CADPS2: variants seen among roughly 807,000 people sequenced by gnomAD.
CADPS2 encodes calcium-dependent secretion activator 2.
Under a neutral mutation model 172.5 loss-of-function variants are expected in CADPS2, and 93 were observed. That is an observed-to-expected ratio of 0.54 (90% CI 0.46 to 0.64). The LOEUF is 0.64. Among genes scored for constraint, CADPS2 ranks in the 30% least tolerant of loss-of-function variants. CADPS2 has a pLI of 0.00. For synonymous variants in CADPS2, 546 were observed against 555.2 expected (o/e 0.98, Z 0.23); for missense variants, 1,420 against 1,565.9 (o/e 0.91, Z 1.57).
At chr7:122,465,152 T>C (rs913498772) in intron 14 of CADPS2, among the ~76,000 whole-genome samples, 5 of 152,052 alleles carry the variant, frequency 3.3e-5, no homozygotes, top group African/African-American at 1.2e-4. Context: ...AATATTAGAC[T>C]GAGGAAGGGA....
At chr7:122,710,959 A>G (rs966368370) in intron 2 of CADPS2, among the ~76,000 whole-genome samples, 2 of 152,118 alleles carry the variant, frequency 1.3e-5, no homozygotes, top group Admixed American at 1.3e-4. Flanking sequence ...GTCCCTGACA[A>G]AATGTTGATT....
chr7:122,540,875 T>G (rs1038884589), intron 8 of CADPS2, among the ~76,000 whole-genome samples: 1 of 152,116 alleles, frequency 6.6e-6, no homozygotes, highest in African/African-American at 2.4e-5. Flanking sequence ...AAAAACCAAT[T>G]GATTTTATAG....
chr7:122,757,058 T>C (rs2093194120), intron 1 of CADPS2, among the ~76,000 whole-genome samples: 1 of 150,518 alleles, frequency 6.6e-6, no homozygotes, highest in African/African-American at 2.5e-5. Context: ...AGCAGACCTG[T>C]ATATTACACA....
chr7:122,511,893 C>T (rs933994891), intron 9 of CADPS2, among the ~76,000 whole-genome samples: 5 of 151,982 alleles, frequency 3.3e-5, no homozygotes, highest in Non-Finnish European at 4.4e-5. Context: ...ATGTCAGAAA[C>T]GAAATGTGGA....
chr7:122,437,699 A>G (rs1323724619), intron 17 of CADPS2, among the ~76,000 whole-genome samples: 1 of 152,068 alleles, frequency 6.6e-6, no homozygotes, highest in African/African-American at 2.4e-5. Context: ...AATGTGTTGA[A>G]TAAAACTGTT....
intron 1 of CADPS2, among the ~76,000 whole-genome samples, chr7:122,853,933 T>A (rs1207234260): frequency 6.6e-6 from 1 of 152,282 alleles, no homozygotes; most frequent in Non-Finnish European, 1.5e-5. Flanking sequence ...AGAAGCTCCT[T>A]CTACTGTGGG....
intron 2 of CADPS2, among the ~76,000 whole-genome samples, chr7:122,697,075 A>G (rs1325565046): frequency 6.6e-6 from 1 of 152,174 alleles, no homozygotes; most frequent in Admixed American, 6.6e-5. Flanking sequence ...ATGACTAAGT[A>G]TCAAAGTCGT....
intron 1 of CADPS2, among the ~76,000 whole-genome samples, chr7:122,756,612 C>A (rs1298615473): frequency 6.6e-6 from 1 of 151,976 alleles, no homozygotes; most frequent in Non-Finnish European, 1.5e-5. Context: ...AAATTCTTTC[C>A]CAAGGGTTGG....
At chr7:122,520,869 A>G (rs1467308268) in intron 8 of CADPS2, among the ~76,000 whole-genome samples, 1 of 152,166 alleles carries the variant, frequency 6.6e-6, no homozygotes, top group Non-Finnish European at 1.5e-5. Context: ...TTACTTTATG[A>G]TGAAAAATCA....
rs1195503321 is a variant in CADPS2, at chr7:122,727,659, A to G, written c.453+9296T>C. 2.0e-5 allele frequency among the ~76,000 whole-genome samples: 3 copies of G among 151,872 alleles called. No individual in the cohort carries two copies. The East Asian group carries it at 5.8e-4, about 29-fold the overall frequency. Reference sequence around the variant, plus strand: ...AGCTATCCTCAAGCAACAAAATTCTACAATCCATGCATTATCCAGTCTTCA... The same window carrying G: ...AGCTATCCTCAAGCAACAAAATTCTGCAATCCATGCATTATCCAGTCTTCA... On this transcript the variant is annotated intron_variant, in intron 2 of 29. Transcript: ENST00000449022.
At chr7:122,585,880 G>C (rs972110647) in intron 6 of CADPS2, 21 of 151,860 alleles carry the variant, frequency 1.4e-4, no homozygotes, top group Non-Finnish European at 2.8e-4. Context: ...TTTGTATCAG[G>C]AGCCAAAATA....
chr7:122,616,191 A>T (rs1049537852), intron 5 of CADPS2, among the ~76,000 whole-genome samples: 2 of 152,126 alleles, frequency 1.3e-5, no homozygotes, highest in Non-Finnish European at 2.9e-5. Context: ...TATAAAATAG[A>T]TTAAAATGCA....
At chr7:122,642,523 A>G (rs1013216107) in intron 3 of CADPS2, among the ~76,000 whole-genome samples, 1 of 146,806 alleles carries the variant, frequency 6.8e-6, no homozygotes, top group Non-Finnish European at 1.5e-5. Flanking sequence ...GTAGCATAAA[A>G]TAACTACTAA....
chr7:122,849,927 A>G, intron 1 of CADPS2: 1 of 558,082 alleles, frequency 1.8e-6, no homozygotes, highest in South Asian at 1.8e-5. Context: ...GCTCTGGCCC[A>G]GGCCCCAGCT....
At chr7:122,572,832 A>G (rs567191356) in intron 7 of CADPS2, among the ~76,000 whole-genome samples, 1 of 152,216 alleles carries the variant, frequency 6.6e-6, no homozygotes, top group South Asian at 2.1e-4. Context: ...CTGAGAAAAA[A>G]TCCTTGTTCT....
At chr7:122,345,111 C>T (rs2037371172) in intron 28 of CADPS2, among the ~76,000 whole-genome samples, 1 of 151,786 alleles carries the variant, frequency 6.6e-6, no homozygotes. Flanking sequence ...AGAATGGCTT[C>T]AACTTTTTAT....
chr7:122,390,829 G>T lies in CADPS2; in HGVS notation c.3009-2091C>A, dbSNP rs942848199. 2.0e-5 allele frequency among the ~76,000 whole-genome samples: 3 copies of T among 151,886 alleles called. No homozygotes were observed. In the East Asian group the frequency reaches 5.8e-4, roughly 29 times the overall value. ...TCTAATTGGTGGCCTATTCCTAAAGGTATTATTAACAGATTAAAGAATTCG... is the reference window on the plus strand; with the variant it reads ...TCTAATTGGTGGCCTATTCCTAAAGTTATTATTAACAGATTAAAGAATTCG... On this transcript the variant is annotated intron_variant, in intron 22 of 29. Transcript: ENST00000449022.
chr7:122,630,670 T>A (rs2076492698), intron 3 of CADPS2, among the ~76,000 whole-genome samples: 1 of 152,150 alleles, frequency 6.6e-6, no homozygotes, highest in Non-Finnish European at 1.5e-5. Flanking sequence ...CTGTCTCTAG[T>A]ACAAACAATA....
At position 122,319,986 on chromosome 7, in the gene CADPS2, A is replaced by C; in HGVS notation, c.*179T>G. 2 of 567,548 alleles carry C rather than the reference A, an allele frequency of 3.5e-6. No homozygotes were observed. The highest frequency in any genetic ancestry group is 5.4e-6 in the Non-Finnish European group (2 of 373,386). The allele number at this position is 567,548 out of a possible 1,614,324, so 35.2% of individuals were successfully genotyped here. On this transcript the variant is annotated 3_prime_UTR_variant, in exon 30 of 30. Coordinates refer to ENST00000449022, the MANE Select transcript of CADPS2 (RefSeq NM_017954.11). ...ACAAACAAACAAAAAAAGGAAACAA[A>C]AAAACCCCAAAATCTTGGCATTTCC...
Sources: gnomAD v4.1 joint callset for allele counts (sites outside exome capture counted in the v4.1 genomes callset) on GRCh38, gnomAD v4.1.1 for gene constraint, MANE v1.5 for transcripts, NCBI Gene and HGNC (gene_info 2026-07-23, HGNC 2026-07-21) for gene names.